GPR158: variants seen among roughly 807,000 people sequenced by gnomAD.
GPR158 encodes metabotropic glycine receptor.
A neutral mutation model predicts 78.2 loss-of-function variants in GPR158; 30 were observed. The ratio of observed to expected loss-of-function variants is 0.38; its 90% confidence interval spans 0.29 to 0.52. GPR158 has a LOEUF of 0.52. Ranked by LOEUF, GPR158 falls within the 20% of genes least tolerant of loss-of-function variation. The pLI, the probability that GPR158 is intolerant of heterozygous loss-of-function variation, is 0.83. For missense variants in GPR158, 1,463 were observed against 1,523.5 expected (o/e 0.96, Z 0.66); for synonymous variants, 581 against 591.1 (o/e 0.98, Z 0.25).
chr10:25,327,353 T>A (rs1855050836), intron 2 of GPR158, among the ~76,000 whole-genome samples: 1 of 152,090 alleles, frequency 6.6e-6, no homozygotes, highest in African/African-American at 2.4e-5. Context: ...CTTCTCCAGG[T>A]TTTCTGTGGC....
At chr10:25,460,071 T>G (rs1267210322) in intron 4 of GPR158, among the ~76,000 whole-genome samples, 1 of 152,216 alleles carries the variant, frequency 6.6e-6, no homozygotes, top group African/African-American at 2.4e-5. Flanking sequence ...ATACAGTTTT[T>G]GATGATTATA....
intron 2 of GPR158, among the ~76,000 whole-genome samples, chr10:25,387,164 T>C (rs1051646510): frequency 1.3e-5 from 2 of 152,158 alleles, no homozygotes; most frequent in African/African-American, 2.4e-5. Context: ...TTTTAGTATG[T>C]TGGGTGTTTT....
At chr10:25,416,955 G>T (rs561169543) in intron 4 of GPR158, among the ~76,000 whole-genome samples, 1 of 152,186 alleles carries the variant, frequency 6.6e-6, no homozygotes, top group East Asian at 1.9e-4. Flanking sequence ...TTCCATGAGG[G>T]CAGGGATACT....
intron 7 of GPR158, among the ~76,000 whole-genome samples, chr10:25,577,284 C>G (rs1016372719): frequency 2.6e-5 from 4 of 152,194 alleles, no homozygotes; most frequent in Admixed American, 2.6e-4. Flanking sequence ...GTACTGAACA[C>G]TAAATTATTT....
At chr10:25,437,295 AG>A (rs1835009467) in intron 4 of GPR158, among the ~76,000 whole-genome samples, 1 of 151,916 alleles carries the variant, frequency 6.6e-6, no homozygotes, top group African/African-American at 2.4e-5. Flanking sequence ...GTACAGTCTC[AG>A]CTCACTGCAA....
intron 6 of GPR158, among the ~76,000 whole-genome samples, chr10:25,570,068 T>C (rs1836984223): frequency 1.3e-5 from 2 of 152,164 alleles, no homozygotes; most frequent in Non-Finnish European, 2.9e-5. Flanking sequence ...TCATTCAAAA[T>C]TTAGAATTCA....
intron 2 of GPR158, among the ~76,000 whole-genome samples, chr10:25,324,970 C>T (rs1315393192): frequency 6.6e-6 from 1 of 151,454 alleles, no homozygotes; most frequent in African/African-American, 2.4e-5. Flanking sequence ...TCCCGAGTAG[C>T]TGGGACTATA....
chr10:25,549,980 A>G (rs1294771334), intron 5 of GPR158, among the ~76,000 whole-genome samples: 1 of 152,194 alleles, frequency 6.6e-6, no homozygotes, highest in Non-Finnish European at 1.5e-5. Context: ...GCAAAGATTG[A>G]GAGTCTGTGC....
chr10:25,375,372 T>A (rs1834063179), intron 2 of GPR158, among the ~76,000 whole-genome samples: 1 of 151,630 alleles, frequency 6.6e-6, no homozygotes. Flanking sequence ...TTAATTTTGA[T>A]GAAGTCCAAT....
At chr10:25,576,863 A>T (rs1837104983) in intron 7 of GPR158, among the ~76,000 whole-genome samples, 1 of 151,852 alleles carries the variant, frequency 6.6e-6, no homozygotes, top group Admixed American at 6.6e-5. Context: ...AGAGGAAGTT[A>T]AATTTTTGAT....
rs1836585839 is a variant in GPR158 at position 25,541,623 on chromosome 10, A to C, written c.1405-9353A>C. Among the ~76,000 whole-genome samples, 7 of 152,030 alleles carry C rather than the reference A, an allele frequency of 4.6e-5. No individual in the cohort carries two copies. In the South Asian group the frequency reaches 1.4e-3, roughly 31 times the overall value. On this transcript the variant is annotated intron_variant, in intron 5 of 10. Transcript: ENST00000376351. ...TCAAAAAAAAAAAAAATTTTAGAACACACCACAGGACATTGAATAAAGGCC... is the reference window on the plus strand; with the variant it reads ...TCAAAAAAAAAAAAAATTTTAGAACCCACCACAGGACATTGAATAAAGGCC...
At chr10:25,505,493 C>T (rs552108690) in intron 5 of GPR158, among the ~76,000 whole-genome samples, 7 of 152,310 alleles carry the variant, frequency 4.6e-5, no homozygotes, top group African/African-American at 1.4e-4. Flanking sequence ...TTCTTTTGCA[C>T]CTTTTACTTC....
chr10:25,540,339 T>C (rs1368453551), intron 5 of GPR158, among the ~76,000 whole-genome samples: 5 of 152,184 alleles, frequency 3.3e-5, no homozygotes, highest in Admixed American at 1.3e-4. Flanking sequence ...TTTTACACTG[T>C]TGGTGGGACT....
At chr10:25,290,728 G>A (rs1248078875) in intron 2 of GPR158, among the ~76,000 whole-genome samples, 4 of 151,966 alleles carry the variant, frequency 2.6e-5, no homozygotes, top group Non-Finnish European at 5.9e-5. Flanking sequence ...TTATATTTAT[G>A]TATATTACTA....
intron 4 of GPR158, among the ~76,000 whole-genome samples, chr10:25,417,227 A>G (rs1400402581): frequency 6.6e-6 from 1 of 152,196 alleles, no homozygotes; most frequent in Non-Finnish European, 1.5e-5. Flanking sequence ...ATTTCTGTTA[A>G]TTTCCCCAAA....
intron 1 of GPR158, among the ~76,000 whole-genome samples, chr10:25,211,083 G>C (rs1853122758): frequency 6.6e-6 from 1 of 151,662 alleles, no homozygotes; most frequent in Non-Finnish European, 1.5e-5. Context: ...AGTGAACTGG[G>C]ATTGTGCCAC....
intron 5 of GPR158, among the ~76,000 whole-genome samples, chr10:25,512,669 G>T (rs999004658): frequency 1.3e-5 from 2 of 152,110 alleles, no homozygotes; most frequent in Non-Finnish European, 2.9e-5. Flanking sequence ...CTGTGGATTT[G>T]TCATAGATAG....
intron 4 of GPR158, among the ~76,000 whole-genome samples, chr10:25,465,842 T>C (rs1835414071): frequency 6.6e-6 from 1 of 152,132 alleles, no homozygotes; most frequent in Admixed American, 6.5e-5. Flanking sequence ...AAGATCTCGT[T>C]TGTAAATTTC....
chr10:25,460,004 A>G (rs1020034505), intron 4 of GPR158, among the ~76,000 whole-genome samples: 1 of 152,154 alleles, frequency 6.6e-6, no homozygotes, highest in Admixed American at 6.6e-5. Context: ...TCCAAACCAG[A>G]GAGTTAGGCT....
Sources: allele counts gnomAD v4.1 joint callset (sites outside exome capture counted in the v4.1 genomes callset), GRCh38; gene constraint gnomAD v4.1.1; transcripts MANE v1.5; gene names NCBI Gene and HGNC (gene_info 2026-07-23, HGNC 2026-07-21).